The following FAM161A variants were observed in gnomAD, a reference collection of about 807,000 sequenced individuals.
FAM161A encodes the protein FAM161 centrosomal protein A.
FAM161A carries 57 observed loss-of-function variants against 70.9 expected under a neutral mutation model. That is an observed-to-expected ratio of 0.80 (90% CI 0.65 to 1.00). FAM161A has a LOEUF of 1.00. Among genes scored for constraint, FAM161A ranks in the 50% least tolerant of loss-of-function variants. The probability of loss-of-function intolerance (pLI) is 0.00; values close to 1 mark genes in which losing one functional copy is unlikely to be tolerated. For missense variants in FAM161A, 880 were observed against 836.0 expected (o/e 1.05, Z -0.65); for synonymous variants, 299 against 295.7 (o/e 1.01, Z -0.12).
chr2:61,827,329 G>C (rs1672406660), intron 5 of FAM161A, 71 bp from the exon 6 acceptor site: 20 of 1,518,164 alleles, frequency 1.3e-5, no homozygotes, highest in Non-Finnish European at 1.8e-5. Context: ...GTATAGATTA[G>C]GCCAGGCGCG....
chr2:61,848,327 T>C (rs937632465), intron 1 of FAM161A, among the ~76,000 whole-genome samples: 3 of 152,248 alleles, frequency 2.0e-5, no homozygotes, highest in African/African-American at 7.2e-5. Context: ...CTGAAACTTT[T>C]CAGATAAACT....
chr2:61,835,053 A>G (rs1248856522), intron 5 of FAM161A, among the ~76,000 whole-genome samples: 1 of 152,344 alleles, frequency 6.6e-6, no homozygotes, highest in East Asian at 1.9e-4. Context: ...TAGATCAGTG[A>G]GCAAAAAGAT....
downstream of FAM161A, among the ~76,000 whole-genome samples, chr2:61,822,611 G>T (rs1335517906): frequency 1.3e-5 from 2 of 152,036 alleles, no homozygotes; most frequent in Non-Finnish European, 2.9e-5. Context: ...TTGAAACGGG[G>T]TTTTCACTCT....
At chr2:61,814,000 C>T in the FAM161A span, among the ~76,000 whole-genome samples, 3 of 152,068 alleles carry the variant, frequency 2.0e-5, no homozygotes, top group African/African-American at 7.2e-5. Context: ...GCCAGGCAGT[C>T]AGGGCTGCCA....
At chr2:61,844,026 C>G (rs1673116319) in intron 1 of FAM161A, among the ~76,000 whole-genome samples, 1 of 152,038 alleles carries the variant, frequency 6.6e-6, no homozygotes, top group Non-Finnish European at 1.5e-5. Context: ...ACCTATATTC[C>G]CAGCTACTCG....
At chr2:61,846,705 C>G in intron 1 of FAM161A, 3 of 289,616 alleles carry the variant, frequency 1.0e-5, no homozygotes, top group Non-Finnish European at 1.4e-5. Context: ...TCAGACTCTG[C>G]TAAAAGTGGA....
chr2:61,848,814 TTATATATATATATC>T lies in FAM161A; in HGVS notation c.183+5031_183+5044del, dbSNP rs1319911774. The stretch of plus-strand genomic sequence containing the variant: ...TCCCTCTCTCTGTCTATATATATAT[TTATATATATATATC>T]TATATATATTTATATATATATTTAT... On this transcript the variant is annotated intron_variant, in intron 1 of 6. Transcript: ENST00000404929. Among the ~76,000 whole-genome samples, 669 of 16,810 alleles carry T rather than the reference TTATATATATATATC, an allele frequency of 0.04. 98 individuals carry two copies. The East Asian group carries it at 0.47, about 12-fold the overall frequency. 11.0% of individuals were successfully genotyped at this position (16,810 alleles called of 152,430 possible). A position where few individuals can be genotyped will look rare whatever the true frequency, so the allele number is the denominator to read the frequency against.
the FAM161A span, among the ~76,000 whole-genome samples, chr2:61,802,942 G>A: frequency 6.6e-6 from 1 of 152,180 alleles, no homozygotes; most frequent in African/African-American, 2.4e-5. Context: ...AACTTGATTA[G>A]CAAGAAGGTA....
chr2:61,830,268 T>C (rs1672518591), intron 5 of FAM161A, among the ~76,000 whole-genome samples: 1 of 152,180 alleles, frequency 6.6e-6, no homozygotes, highest in South Asian at 2.1e-4. Flanking sequence ...AGGTTCCACC[T>C]GGCATTTCAC....
the FAM161A span, among the ~76,000 whole-genome samples, chr2:61,809,122 C>T: frequency 6.6e-6 from 1 of 152,212 alleles, no homozygotes; most frequent in African/African-American, 2.4e-5. Context: ...ATCCACCCAC[C>T]TCAGCCTCCC....
chr2:61,849,733 C>T (rs927333420), intron 1 of FAM161A, among the ~76,000 whole-genome samples: 3 of 146,578 alleles, frequency 2.0e-5, no homozygotes, highest in Admixed American at 7.0e-5. Flanking sequence ...CTCATTGAGC[C>T]GAGATTGTGC....
the FAM161A span, among the ~76,000 whole-genome samples, chr2:61,801,551 G>GT: frequency 6.9e-6 from 1 of 144,218 alleles, no homozygotes; most frequent in Non-Finnish European, 1.5e-5. Context: ...TTTGAATAAT[G>GT]TTTTTTGGTT....
chr2:61,828,394 A>C (rs1312905550), intron 5 of FAM161A, among the ~76,000 whole-genome samples: 2 of 151,980 alleles, frequency 1.3e-5, no homozygotes, highest in African/African-American at 4.8e-5. Context: ...AGTGGTGCAA[A>C]CACAACTCAC....
chr2:61,839,895 T>C lies in FAM161A; in HGVS notation c.1109A>G (p.Asn370Ser), dbSNP rs534860896. 1.1e-4 allele frequency: 178 copies of C among 1,614,220 alleles called. 1 individual carries two copies. The South Asian group carries it at 1.8e-3, about 16-fold the overall frequency. Residue 370 changes from asparagine (N) to serine (S), a missense_variant, in exon 3 of 7, where the codon AAT becomes AGT. Asn to Ser is a conservative substitution (Grantham distance 46). Coordinates refer to ENST00000404929, the MANE Select transcript of FAM161A (RefSeq NM_001201543.2). ...IPRSTYGSTT[N>S]DKLKEEELYR... ...GAGCTCTTCTTCTTTTAACTTGTCATTGGTAGTTGAACCATAAGTAGATCG... is the reference window on the plus strand; with the variant it reads ...GAGCTCTTCTTCTTTTAACTTGTCACTGGTAGTTGAACCATAAGTAGATCG...
At chr2:61,850,724 G>A (rs1673469053) in intron 1 of FAM161A, among the ~76,000 whole-genome samples, 1 of 152,174 alleles carries the variant, frequency 6.6e-6, no homozygotes, top group African/African-American at 2.4e-5. Context: ...GTGCATTCCA[G>A]CCTGGACAAG....
intron 1 of FAM161A, among the ~76,000 whole-genome samples, chr2:61,847,324 C>T (rs544600527): frequency 6.6e-6 from 1 of 152,166 alleles, no homozygotes; most frequent in Admixed American, 6.6e-5. Flanking sequence ...TTCCCTGACT[C>T]TCCTATTTAA....
rs766049634 is a variant in FAM161A, at chr2:61,825,470, T to C, written c.*985A>G. 19 of 451,638 alleles carry C rather than the reference T, an allele frequency of 4.2e-5. No homozygotes were observed. The highest frequency in any genetic ancestry group is 6.9e-4 in the Middle Eastern group (1 of 1,458). 28.0% of individuals were successfully genotyped at this position (451,638 alleles called of 1,614,324 possible). On this transcript the variant is annotated 3_prime_UTR_variant, in exon 7 of 7. Coordinates refer to ENST00000404929, the MANE Select transcript of FAM161A (RefSeq NM_001201543.2). Reference sequence around the variant, plus strand: ...AATTACTTCCATCTGTAATAATACATAGGGTTAAAAAAACTAGTATAAAAA... The same window carrying C: ...AATTACTTCCATCTGTAATAATACACAGGGTTAAAAAAACTAGTATAAAAA...
chr2:61,822,558 T>C (rs905651761), downstream of FAM161A, among the ~76,000 whole-genome samples: 5 of 152,202 alleles, frequency 3.3e-5, no homozygotes, highest in Admixed American at 3.3e-4. Flanking sequence ...CATTTTTCTT[T>C]GAAGCAATGA....
chr2:61,845,084 C>G (rs942279233), intron 1 of FAM161A, among the ~76,000 whole-genome samples: 1 of 152,090 alleles, frequency 6.6e-6, no homozygotes, highest in Non-Finnish European at 1.5e-5. Flanking sequence ...ACAGGAGCCA[C>G]CAATCCACAC....
Sources: gnomAD v4.1 joint callset for allele counts (sites outside exome capture counted in the v4.1 genomes callset) on GRCh38, gnomAD v4.1.1 for gene constraint, MANE v1.5 for transcripts, NCBI Gene and HGNC (gene_info 2026-07-23, HGNC 2026-07-21) for gene names.